The following AGAP1 variants were observed in gnomAD, a reference collection of about 807,000 sequenced individuals.
AGAP1 encodes the protein ArfGAP with GTPase domain, ankyrin repeat and PH domain 1, also known as arf-GAP with GTPase, ANK repeat and PH domain-containing protein 1.
AGAP1 carries 29 observed loss-of-function variants against 105.3 expected under a neutral mutation model. The observed-to-expected ratio is 0.28, with a 90% CI of 0.21 to 0.38. The LOEUF (loss-of-function observed/expected upper bound fraction) is 0.38, where lower values mean the gene tolerates loss of function less well. AGAP1 is among the 10% of genes least tolerant of loss of function. AGAP1 has a pLI of 1.00. For missense variants in AGAP1, 998 were observed against 1,165.1 expected (o/e 0.86, Z 2.09); for synonymous variants, 509 against 485.9 (o/e 1.05, Z -0.63).
chr2:235,856,944 G>A (rs2048710412), intron 9 of AGAP1, among the ~76,000 whole-genome samples: 1 of 152,220 alleles, frequency 6.6e-6, no homozygotes, highest in Non-Finnish European at 1.5e-5. Flanking sequence ...ACCAGTGCCT[G>A]AAAGAATGCC....
Position 236,026,658 on chromosome 2 carries a change from G to A in AGAP1, c.1646-9903G>A, listed in dbSNP as rs867791037. The stretch of plus-strand genomic sequence containing the variant: ...GCAGGAGAATCACTTGAACCTGGGA[G>A]GGGGAGGTTGCAGTGAGCTGAGATC... On this transcript the variant is annotated intron_variant, in intron 13 of 17. Coordinates refer to ENST00000304032, the MANE Select transcript of AGAP1 (RefSeq NM_001037131.3). Among the ~76,000 whole-genome samples, 10 of 152,326 alleles carry A rather than the reference G, an allele frequency of 6.6e-5. No individual in the cohort carries two copies. The South Asian group carries it at 1.0e-3, about 16-fold the overall frequency.
At position 235,503,363 on chromosome 2, in the gene AGAP1, G is replaced by A. The variant is rs549149220; in HGVS notation, c.163+8514G>A. Among the ~76,000 whole-genome samples the A allele has an allele frequency of 1.5e-4, 23 of 152,256 alleles. No individual in the cohort carries two copies. In the South Asian group the frequency reaches 4.4e-3, roughly 29 times the overall value. ...AAGGTCTGGGGTGCTGCTGTGAGCC[G>A]GGATCGCGTATCTGCTCCTGTTCTG... On this transcript the variant is annotated intron_variant, in intron 1 of 17. Coordinates refer to ENST00000304032, the MANE Select transcript of AGAP1 (RefSeq NM_001037131.3).
At chr2:235,693,049 C>T (rs1949814584) in intron 1 of AGAP1, among the ~76,000 whole-genome samples, 2 of 152,136 alleles carry the variant, frequency 1.3e-5, no homozygotes, top group Non-Finnish European at 2.9e-5. Flanking sequence ...GCCTAGGGGC[C>T]TTCCTGATGT....
chr2:235,848,087 T>G (rs79543214), intron 9 of AGAP1, among the ~76,000 whole-genome samples: 3,574 of 152,216 alleles, frequency 0.023, 129 homozygotes, highest in African/African-American at 0.082. Context: ...AGACAGGGAG[T>G]ATCCCACCGG....
intron 15 of AGAP1, among the ~76,000 whole-genome samples, chr2:236,047,726 A>G (rs1576165245): frequency 6.7e-6 from 1 of 148,804 alleles, no homozygotes; most frequent in South Asian, 2.1e-4. Flanking sequence ...CAGCCTCTCA[A>G]GGAGCTGGGA....
At chr2:235,911,750 C>T (rs769881281) in intron 11 of AGAP1, among the ~76,000 whole-genome samples, 1 of 152,276 alleles carries the variant, frequency 6.6e-6, no homozygotes, top group Non-Finnish European at 1.5e-5. Flanking sequence ...GGGAGGGTTG[C>T]GACAAGATTG....
chr2:235,815,203 T>G (rs1010320040), intron 9 of AGAP1, among the ~76,000 whole-genome samples: 7 of 152,108 alleles, frequency 4.6e-5, no homozygotes, highest in Non-Finnish European at 1.5e-5. Flanking sequence ...GCTGCCCTAA[T>G]GAAATCCTGC....
intron 9 of AGAP1, among the ~76,000 whole-genome samples, chr2:235,844,843 G>A (rs561530625): frequency 4.6e-5 from 7 of 152,264 alleles, no homozygotes; most frequent in East Asian, 1.9e-4. Context: ...TCCCTGGCCC[G>A]AGGGGGTGCC....
rs1325492600 is a variant in AGAP1, at chr2:235,582,083, G to C, written c.163+87234G>C. Among the ~76,000 whole-genome samples the C allele has an allele frequency of 1.3e-5, 2 of 152,288 alleles. No homozygotes were observed. Among genetic ancestry groups the C allele is most frequent in the East Asian group, 1.9e-4 (1 of 5,178 alleles). On this transcript the variant is annotated intron_variant, in intron 1 of 17. Coordinates refer to ENST00000304032, the MANE Select transcript of AGAP1 (RefSeq NM_001037131.3). The surrounding 1 kb of genome is among the most constrained non-coding windows in gnomAD (Gnocchi z 4.7). ...CCTTCCATCCAGGGAAGACGTGATT[G>C]CAGCAGGCAGGAGTTGATAGTGATG...
rs1575211849 is a variant in AGAP1 at position 235,716,477 on chromosome 2, T to G, written c.223-1080T>G. Among the ~76,000 whole-genome samples the G allele has an allele frequency of 6.6e-6, 1 of 150,800 alleles. No individual in the cohort carries two copies. ...AATTTGAGTGGAGGCAGGAGGGAGGTCAACAAGTGGAACCGAGAGCAAGCG... is the reference window on the plus strand; with the variant it reads ...AATTTGAGTGGAGGCAGGAGGGAGGGCAACAAGTGGAACCGAGAGCAAGCG... On this transcript the variant is annotated intron_variant, in intron 2 of 17. Coordinates refer to ENST00000304032, the MANE Select transcript of AGAP1 (RefSeq NM_001037131.3). The surrounding 1 kb of genome is among the most constrained non-coding windows in gnomAD (Gnocchi z 4.0).
At chr2:235,995,570 C>T (rs1242360532) in intron 13 of AGAP1, among the ~76,000 whole-genome samples, 1 of 152,110 alleles carries the variant, frequency 6.6e-6, no homozygotes, top group African/African-American at 2.4e-5. Flanking sequence ...ACCCTCTGTG[C>T]ATCATAGATG....
At chr2:235,685,796 G>T (rs1201186558) in intron 1 of AGAP1, among the ~76,000 whole-genome samples, 2 of 152,102 alleles carry the variant, frequency 1.3e-5, no homozygotes, top group African/African-American at 4.8e-5. Flanking sequence ...GGTTGAGGAT[G>T]TGCGCTCATT....
intron 1 of AGAP1, among the ~76,000 whole-genome samples, chr2:235,686,550 TATATATACACACACACACAC>T (rs1245207079): frequency 1.1e-5 from 1 of 90,188 alleles, no homozygotes; most frequent in Admixed American, 1.1e-4. Flanking sequence ...GAAGGAGATA[TATATATACACACACACACAC>T]ACACACACAC....
rs982092721 is a variant in AGAP1 at position 235,951,465 on chromosome 2, T to C, written c.1484-16997T>C. Among the ~76,000 whole-genome samples, 2 of 152,216 alleles carry C rather than the reference T, an allele frequency of 1.3e-5. No individual in the cohort carries two copies. The highest frequency in any genetic ancestry group is 4.8e-5 in the African/African-American group (2 of 41,448). ...AACCTCTTACTTGCCCAAAGCTTAG[T>C]CAAAATTATGAGATTTCCTCTGAAC... is the stretch of plus-strand genomic sequence containing the variant. On this transcript the variant is annotated intron_variant, in intron 12 of 17. Transcript: ENST00000304032. The surrounding 1 kb of genome is among the most constrained non-coding windows in gnomAD (Gnocchi z 4.2).
chr2:236,124,397 T>C lies in AGAP1; in HGVS notation c.*275T>C, dbSNP rs1576360185. 2.0e-6 allele frequency: 1 copy of C among 496,358 alleles called. No homozygotes were observed. The highest frequency in any genetic ancestry group is 3.7e-5 in the East Asian group (1 of 27,134). 30.7% of individuals were successfully genotyped at this position (496,358 alleles called of 1,614,324 possible). ...AGAGCGACGGGCCTCGGCCCTTTGA[T>C]GATAGCACATGGCGCAGGACCCTTG... is the stretch of plus-strand genomic sequence containing the variant. On this transcript the variant is annotated 3_prime_UTR_variant, in exon 18 of 18. Coordinates refer to ENST00000304032, the MANE Select transcript of AGAP1 (RefSeq NM_001037131.3). This position sits in a 1 kb window ranked among gnomAD's most constrained non-coding sequence, Gnocchi z 5.1.
intron 16 of AGAP1, among the ~76,000 whole-genome samples, chr2:236,097,835 G>T (rs1240746899): frequency 6.6e-6 from 1 of 151,916 alleles, no homozygotes; most frequent in Non-Finnish European, 1.5e-5. Flanking sequence ...ACTTCCCCTG[G>T]CCCCCACCAT....
chr2:235,539,737 G>A (rs1943371614), intron 1 of AGAP1, among the ~76,000 whole-genome samples: 2 of 152,094 alleles, frequency 1.3e-5, no homozygotes, highest in South Asian at 4.1e-4. Flanking sequence ...GAGGAGAGAC[G>A]CTTCGGTAAG....
rs140422483 is a variant in AGAP1 at position 235,632,877 on chromosome 2, A to C, written c.164-76302A>C. On this transcript the variant is annotated intron_variant, in intron 1 of 17. Coordinates refer to ENST00000304032, the MANE Select transcript of AGAP1 (RefSeq NM_001037131.3). Reference sequence around the variant, plus strand: ...CTGCCGCTTTGATTTCCCTGCTTAGATTTACATAATTGTTTTAGAAGAAGG... The same window carrying C: ...CTGCCGCTTTGATTTCCCTGCTTAGCTTTACATAATTGTTTTAGAAGAAGG... Among the ~76,000 whole-genome samples the C allele has an allele frequency of 3.3e-5, 5 of 152,188 alleles. No individual in the cohort carries two copies. In the East Asian group the frequency reaches 9.7e-4, roughly 29 times the overall value.
At chr2:235,809,697 G>A (rs1344466921) in intron 9 of AGAP1, among the ~76,000 whole-genome samples, 1 of 152,130 alleles carries the variant, frequency 6.6e-6, no homozygotes, top group Non-Finnish European at 1.5e-5. Context: ...ACATCCCTGT[G>A]TGTACCCTTG....
Sources: gnomAD v4.1 joint callset for allele counts (sites outside exome capture counted in the v4.1 genomes callset) on GRCh38, gnomAD v4.1.1 for gene constraint, Gnocchi (gnomAD v3.1) non-coding constraint, MANE v1.5 for transcripts, NCBI Gene and HGNC (gene_info 2026-07-23, HGNC 2026-07-21) for gene names.